The following PHACTR4 variants were observed in gnomAD, a reference collection of about 807,000 sequenced individuals.
PHACTR4 encodes the protein protein phosphatase 1, regulatory subunit 124.
In PHACTR4, 51 loss-of-function variants were observed where a neutral mutation model predicts 72.7. That is an observed-to-expected ratio of 0.70 (90% CI 0.56 to 0.89). The LOEUF (loss-of-function observed/expected upper bound fraction) is 0.89, where lower values mean the gene tolerates loss of function less well. PHACTR4 is among the 40% of genes least tolerant of loss of function. The pLI, the probability that PHACTR4 is intolerant of heterozygous loss-of-function variation, is 0.00. For synonymous variants in PHACTR4, 255 were observed against 302.5 expected, an observed-to-expected ratio of 0.84 and a Z score of 1.63; for missense variants, 731 against 861.8, an observed-to-expected ratio of 0.85 and a Z score of 1.90.
At position 28,491,723 on chromosome 1, in the gene PHACTR4, C is replaced by G; in HGVS notation, c.1952C>G (p.Thr651Arg). Reference protein sequence around the residue: ...ILRFNEYVEVTDAQDYDRRAD... With the variant: ...ILRFNEYVEVRDAQDYDRRAD... The stretch of plus-strand genomic sequence containing the variant: ...AGGTTTAATGAATATGTAGAGGTAA[C>G]AGATGCTCAAGATTATGACCGGCGA... Residue 651 changes from threonine to arginine, a missense_variant, in exon 12 of 14, where the codon ACA (threonine) becomes AGA (arginine). Transcript: ENST00000373839. 6.2e-7 allele frequency: 1 copy of G among 1,614,154 alleles called. No homozygotes were observed. The highest frequency in any genetic ancestry group is 8.5e-7 in the Non-Finnish European group (1 of 1,180,026).
chr1:28,477,035 G>T (rs1223092487), intron 8 of PHACTR4, among the ~76,000 whole-genome samples: 3 of 150,802 alleles, frequency 2.0e-5, no homozygotes, highest in African/African-American at 7.3e-5. Context: ...CTCCCAAAGT[G>T]CTGGGATTAT....
rs1557852660 is a variant in PHACTR4 at position 28,491,644 on chromosome 1, C to T, written c.1879-6C>T. ...TTGGTGAACTAAGAGGCTCCGTTTC[C>T]TTCAGCTCAGTCAAAGGCCAACTGT... On this transcript the variant is annotated splice_polypyrimidine_tract_variant and splice_region_variant and intron_variant, in intron 11 of 13. Transcript: ENST00000373839. 6.2e-7 allele frequency: 1 copy of T among 1,613,906 alleles called. No homozygotes were observed. Among genetic ancestry groups the T allele is most frequent in the Non-Finnish European group, 8.5e-7 (1 of 1,179,866 alleles).
chr1:28,454,085 G>A (rs1415156653), intron 2 of PHACTR4, among the ~76,000 whole-genome samples: 1 of 151,908 alleles, frequency 6.6e-6, no homozygotes, highest in African/African-American at 2.4e-5. Context: ...TTAGCCAGGT[G>A]TAGTGGCACA....
At chr1:28,485,962 T>A (rs1660617374) in intron 9 of PHACTR4, among the ~76,000 whole-genome samples, 1 of 152,008 alleles carries the variant, frequency 6.6e-6, no homozygotes, top group South Asian at 2.1e-4. Context: ...GTAGATCTCA[T>A]AGTAAGTGTT....
intron 2 of PHACTR4, among the ~76,000 whole-genome samples, chr1:28,427,612 C>A (rs1251191696): frequency 6.6e-6 from 1 of 152,186 alleles, no homozygotes; most frequent in Non-Finnish European, 1.5e-5. Flanking sequence ...TACTGCGGGT[C>A]TTCACTTATA....
At chr1:28,485,906 A>T (rs540906661) in intron 9 of PHACTR4, among the ~76,000 whole-genome samples, 18 of 152,162 alleles carry the variant, frequency 1.2e-4, no homozygotes, top group Admixed American at 3.3e-4. Flanking sequence ...ATCTCAAAAA[A>T]AATAATAATA....
At chr1:28,450,325 G>C (rs982392259) in intron 2 of PHACTR4, among the ~76,000 whole-genome samples, 2 of 151,376 alleles carry the variant, frequency 1.3e-5, no homozygotes, top group African/African-American at 2.4e-5. Flanking sequence ...AACAGAATGG[G>C]GCCATAGGCC....
chr1:28,487,543 G>T (rs1418196625), intron 9 of PHACTR4, among the ~76,000 whole-genome samples: 2 of 140,300 alleles, frequency 1.4e-5, no homozygotes, highest in South Asian at 2.2e-4. Flanking sequence ...AAAAAGGAAG[G>T]TCTTGTTCAG....
intron 10 of PHACTR4, among the ~76,000 whole-genome samples, chr1:28,489,527 A>C (rs959428333): frequency 1.3e-5 from 2 of 152,040 alleles, no homozygotes; most frequent in Non-Finnish European, 2.9e-5. Flanking sequence ...GATGTGCCCA[A>C]TTTTTCTGTT....
intron 2 of PHACTR4, among the ~76,000 whole-genome samples, chr1:28,449,469 A>G (rs541413497): frequency 6.6e-6 from 1 of 152,194 alleles, no homozygotes; most frequent in Non-Finnish European, 1.5e-5. Flanking sequence ...CAGGTATAAT[A>G]TGTATCTATA....
Position 28,415,123 on chromosome 1 carries a change from T to C in PHACTR4, c.16+7660T>C, listed in dbSNP as rs952927953. Among the ~76,000 whole-genome samples the C allele has an allele frequency of 2.4e-4, 37 of 151,790 alleles. 1 individual carries two copies. Among genetic ancestry groups the C allele is most frequent in the African/African-American group, 4.8e-5 (2 of 41,314 alleles). On this transcript the variant is annotated intron_variant, in intron 2 of 13. Transcript: ENST00000373839. ...TAAAATACAAAAAATTACCCAGGCA[T>C]GATGGCGTGCTACTGTAGTCCCAGC...
At chr1:28,429,319 AC>A (rs765327750) in intron 2 of PHACTR4, among the ~76,000 whole-genome samples, 1 of 152,160 alleles carries the variant, frequency 6.6e-6, no homozygotes, top group Non-Finnish European at 1.5e-5. Context: ...CCCCTTTCTT[AC>A]TACTTGCAAA....
intron 1 of PHACTR4, among the ~76,000 whole-genome samples, chr1:28,372,137 C>T (rs938506641): frequency 4.0e-5 from 6 of 150,846 alleles, no homozygotes; most frequent in Admixed American, 6.6e-5. Flanking sequence ...TACCTGCCTC[C>T]GCCTCCCAAA....
intron 8 of PHACTR4, among the ~76,000 whole-genome samples, chr1:28,477,550 G>A (rs1047778245): frequency 6.6e-6 from 1 of 152,220 alleles, no homozygotes; most frequent in East Asian, 1.9e-4. Context: ...AAGCATGTGT[G>A]TATGGGTAAT....
At chr1:28,411,501 C>T (rs973210466) in intron 2 of PHACTR4, among the ~76,000 whole-genome samples, 7 of 152,006 alleles carry the variant, frequency 4.6e-5, no homozygotes, top group African/African-American at 1.7e-4. Flanking sequence ...TGATTTTTTT[C>T]TTAGTTGTTT....
intron 13 of PHACTR4, 112 bp from the exon 14 acceptor site, chr1:28,496,422 G>T: frequency 8.2e-7 from 1 of 1,214,406 alleles, no homozygotes; most frequent in South Asian, 1.2e-5. Flanking sequence ...GGTCGAATTA[G>T]AGCAGAGGAA....
intron 2 of PHACTR4, among the ~76,000 whole-genome samples, chr1:28,431,509 A>C (rs955469028): frequency 1.3e-5 from 2 of 151,838 alleles, no homozygotes; most frequent in Non-Finnish European, 2.9e-5. Context: ...TACAATTTTT[A>C]TAGTGAATTT....
chr1:28,419,424 A>C (rs943428874), intron 2 of PHACTR4, among the ~76,000 whole-genome samples: 1 of 152,094 alleles, frequency 6.6e-6, no homozygotes, highest in African/African-American at 2.4e-5. Context: ...TATAAAGTGT[A>C]AATATATATG....
At chr1:28,392,343 G>C (rs923048027) in intron 1 of PHACTR4, among the ~76,000 whole-genome samples, 1 of 151,784 alleles carries the variant, frequency 6.6e-6, no homozygotes, top group Non-Finnish European at 1.5e-5. Flanking sequence ...ACTTAATAAT[G>C]GCCCCAAAGT....
Sources: allele counts gnomAD v4.1 joint callset (sites outside exome capture counted in the v4.1 genomes callset), GRCh38; gene constraint gnomAD v4.1.1; transcripts MANE v1.5; gene names NCBI Gene and HGNC (gene_info 2026-07-23, HGNC 2026-07-21).